The following SHOC1 variants were observed in gnomAD, a reference collection of about 807,000 sequenced individuals.
The protein encoded by SHOC1 is shortage in chiasmata 1.
Under a neutral mutation model 179.2 loss-of-function variants are expected in SHOC1, and 136 were observed. The observed-to-expected ratio is 0.76, with a 90% CI of 0.66 to 0.87. SHOC1 has a LOEUF of 0.87. Among genes scored for constraint, SHOC1 ranks in the 40% least tolerant of loss-of-function variants. The probability of loss-of-function intolerance (pLI) is 0.00; values close to 1 mark genes in which losing one functional copy is unlikely to be tolerated. For missense variants in SHOC1, 1,538 were observed against 1,700.8 expected (o/e 0.90, Z 1.68); for synonymous variants, 489 against 586.6 (o/e 0.83, Z 2.41).
intron 2 of SHOC1, among the ~76,000 whole-genome samples, chr9:111,790,550 TG>T (rs1469020322): frequency 6.6e-6 from 1 of 152,186 alleles, no homozygotes; most frequent in Non-Finnish European, 1.5e-5. Flanking sequence ...CTTCCAAAAG[TG>T]GCTTTTTTTT....
chr9:111,787,075 G>C (rs1410533491), intron 2 of SHOC1, among the ~76,000 whole-genome samples: 1 of 152,058 alleles, frequency 6.6e-6, no homozygotes, highest in Non-Finnish European at 1.5e-5. Flanking sequence ...CTATTGTTGA[G>C]ACCTACTTTT....
At chr9:111,755,838 G>A (rs1382890266) in intron 8 of SHOC1, among the ~76,000 whole-genome samples, 1 of 152,070 alleles carries the variant, frequency 6.6e-6, no homozygotes, top group Non-Finnish European at 1.5e-5. Context: ...CAAAGAGAAT[G>A]ACGGCTGGGT....
chr9:111,729,103 G>C (rs538583652), intron 12 of SHOC1, among the ~76,000 whole-genome samples: 5 of 145,702 alleles, frequency 3.4e-5, no homozygotes, highest in East Asian at 3.9e-4. Context: ...TTGCAAAGGT[G>C]GGGGGTTCTT....
chr9:111,790,949 T>C (rs1456903699), intron 2 of SHOC1, among the ~76,000 whole-genome samples: 1 of 152,224 alleles, frequency 6.6e-6, no homozygotes, highest in African/African-American at 2.4e-5. Flanking sequence ...AATTATCATA[T>C]ACAAGTTGAG....
chr9:111,768,699 T>G (rs1407798529), intron 5 of SHOC1, among the ~76,000 whole-genome samples: 1 of 152,254 alleles, frequency 6.6e-6, no homozygotes, highest in Non-Finnish European at 1.5e-5. Context: ...CATCATGTTA[T>G]CTACAAACAA....
At chr9:111,715,111 C>T (rs1832726048) in intron 16 of SHOC1, among the ~76,000 whole-genome samples, 1 of 152,144 alleles carries the variant, frequency 6.6e-6, no homozygotes, top group Non-Finnish European at 1.5e-5. Flanking sequence ...AACAGCAGTG[C>T]CTCATTCAGG....
intron 9 of SHOC1, 62 bp downstream of exon 9, chr9:111,748,030 T>C: frequency 9.3e-7 from 1 of 1,077,858 alleles, no homozygotes; most frequent in South Asian, 1.3e-5. Context: ...GTGAATGTAC[T>C]GTACTTTTAC....
At chr9:111,788,947 A>G (rs1836356460) in intron 2 of SHOC1, among the ~76,000 whole-genome samples, 1 of 147,850 alleles carries the variant, frequency 6.8e-6, no homozygotes, top group South Asian at 2.1e-4. Context: ...TTCAGTGGTC[A>G]CTCGCTGGTT....
chr9:111,753,345 A>G (rs926752239), intron 8 of SHOC1, among the ~76,000 whole-genome samples: 1 of 152,222 alleles, frequency 6.6e-6, no homozygotes, highest in African/African-American at 2.4e-5. Flanking sequence ...GAAACCAAAG[A>G]CATCACAAGA....
intron 8 of SHOC1, among the ~76,000 whole-genome samples, chr9:111,752,391 C>T (rs1244651167): frequency 6.6e-6 from 1 of 152,184 alleles, no homozygotes; most frequent in Non-Finnish European, 1.5e-5. Context: ...AGCTCTTTCC[C>T]ACCATAGTAG....
chr9:111,753,622 AT>A (rs909859365), intron 8 of SHOC1, among the ~76,000 whole-genome samples: 10 of 152,286 alleles, frequency 6.6e-5, no homozygotes, highest in African/African-American at 2.4e-4. Flanking sequence ...ATCAAGTGAG[AT>A]TTTTTTCCCC....
At position 111,704,040 on chromosome 9, in the gene SHOC1, T is replaced by C. The variant is rs773294445; in HGVS notation, c.2856-48A>G. The C allele has an allele frequency of 4.8e-6, 5 of 1,047,252 alleles. No individual in the cohort carries two copies. The South Asian group carries it at 7.5e-5, about 16-fold the overall frequency. The allele number at this position is 1,047,252 out of a possible 1,614,324, so 64.9% of individuals were successfully genotyped here. A position where few individuals can be genotyped will look rare whatever the true frequency, so the allele number is the denominator to read the frequency against. On this transcript the variant is annotated intron_variant, in intron 21 of 27. Coordinates refer to ENST00000682961, the MANE Select transcript of SHOC1 (RefSeq NM_001378211.1). ...GTGAAAAAATGAAATGCTAATAAAA[T>C]TATTTAAGAAAAGTTGTAGTTCCCT...
At chr9:111,687,681 C>G (rs969987632) in intron 27 of SHOC1, among the ~76,000 whole-genome samples, 7 of 152,102 alleles carry the variant, frequency 4.6e-5, no homozygotes, top group Admixed American at 3.9e-4. Flanking sequence ...AGACATATTG[C>G]CTGGTTTCCG....
At position 111,686,873 on chromosome 9, in the gene SHOC1, G is replaced by C. The variant is rs1275583953; in HGVS notation, c.4427-3C>G. ...TGGTAGTTGTGAGCACATAAAACCT[G>C]TTAAAAGGAGAAAAAGGAAAACCAT... On this transcript the variant is annotated splice_region_variant and splice_polypyrimidine_tract_variant and intron_variant, in intron 27 of 27. Coordinates refer to ENST00000682961, the MANE Select transcript of SHOC1 (RefSeq NM_001378211.1). 1 of 1,583,064 alleles carries C rather than the reference G, an allele frequency of 6.3e-7. No homozygotes were observed. The highest frequency in any genetic ancestry group is 2.3e-5 in the East Asian group (1 of 43,518).
chr9:111,720,694 T>G (rs1440057469), intron 15 of SHOC1, among the ~76,000 whole-genome samples: 1 of 152,208 alleles, frequency 6.6e-6, no homozygotes, highest in African/African-American at 2.4e-5. Context: ...TCTATTACTG[T>G]GCTTTCAAGT....
chr9:111,740,695 C>T (rs1833990791), intron 11 of SHOC1, among the ~76,000 whole-genome samples: 1 of 152,152 alleles, frequency 6.6e-6, no homozygotes, highest in South Asian at 2.1e-4. Context: ...CCTCAGCCTC[C>T]AGAGTAGCTG....
chr9:111,722,331 A>G (rs1447094819), intron 15 of SHOC1, 78 bp downstream of exon 15: 6 of 1,367,102 alleles, frequency 4.4e-6, no homozygotes, highest in Non-Finnish European at 5.9e-6. Context: ...TGAATCTTCT[A>G]TACCCAATTT....
chr9:111,720,371 C>T (rs1832980629), intron 15 of SHOC1, among the ~76,000 whole-genome samples: 1 of 152,142 alleles, frequency 6.6e-6, no homozygotes, highest in Non-Finnish European at 1.5e-5. Context: ...TCTTTTTGTT[C>T]CTCTGGCTCC....
chr9:111,696,357 A>C (rs1198209518), intron 24 of SHOC1, among the ~76,000 whole-genome samples: 1 of 152,196 alleles, frequency 6.6e-6, no homozygotes, highest in Non-Finnish European at 1.5e-5. Flanking sequence ...AAATAAAGTA[A>C]GGTAAAGCAA....
Sources: gnomAD v4.1 joint callset for allele counts (sites outside exome capture counted in the v4.1 genomes callset) on GRCh38, gnomAD v4.1.1 for gene constraint, MANE v1.5 for transcripts, NCBI Gene and HGNC (gene_info 2026-07-23, HGNC 2026-07-21) for gene names.